RIN2: variants seen among roughly 807,000 people sequenced by gnomAD.
RIN2 encodes Ras and Rab interactor 2, also known as RAB5 interacting protein 2.
Under a neutral mutation model 78.0 loss-of-function variants are expected in RIN2, and 36 were observed. The observed-to-expected ratio is 0.46, with a 90% CI of 0.35 to 0.61. The LOEUF (loss-of-function observed/expected upper bound fraction) is 0.61, where lower values mean the gene tolerates loss of function less well. RIN2 is among the 20% of genes least tolerant of loss of function. RIN2 has a pLI of 0.00. For synonymous variants in RIN2, 466 were observed against 466.8 expected (o/e 1.00, Z 0.02); for missense variants, 1,087 against 1,159.7 (o/e 0.94, Z 0.91).
At chr20:19,991,676 AC>A (rs1320443374) in intron 10 of RIN2, among the ~76,000 whole-genome samples, 1 of 152,234 alleles carries the variant, frequency 6.6e-6, no homozygotes, top group African/African-American at 2.4e-5. Context: ...CTGAATTGGC[AC>A]GTTTAAAGAA....
chr20:19,939,592 C>T (rs1193446715), intron 4 of RIN2, among the ~76,000 whole-genome samples: 1 of 152,160 alleles, frequency 6.6e-6, no homozygotes, highest in Non-Finnish European at 1.5e-5. Context: ...TGTGACACCC[C>T]AGCACCCCTC....
intron 5 of RIN2, among the ~76,000 whole-genome samples, chr20:19,958,397 C>A (rs1340248962): frequency 6.6e-6 from 1 of 152,262 alleles, no homozygotes; most frequent in South Asian, 2.1e-4. Context: ...AACAGCCTGC[C>A]CAGCTCCCCC....
intron 1 of RIN2, among the ~76,000 whole-genome samples, chr20:19,769,502 C>T (rs930329194): frequency 7.2e-5 from 11 of 152,296 alleles, no homozygotes; most frequent in South Asian, 2.1e-4. Context: ...TCATCATCAT[C>T]GACCCTCCAT....
At chr20:19,863,122 G>A (rs1342263865) in intron 2 of RIN2, among the ~76,000 whole-genome samples, 1 of 152,136 alleles carries the variant, frequency 6.6e-6, no homozygotes, top group East Asian at 1.9e-4. Flanking sequence ...AAATCAAGAG[G>A]AACAGCATGT....
chr20:19,796,137 C>T (rs1034015462), intron 1 of RIN2, among the ~76,000 whole-genome samples: 7 of 152,100 alleles, frequency 4.6e-5, no homozygotes, highest in African/African-American at 1.7e-4. Context: ...GTAACACACA[C>T]AGGCACGTAC....
chr20:19,853,274 G>A (rs562019642), intron 2 of RIN2, among the ~76,000 whole-genome samples: 8 of 151,986 alleles, frequency 5.3e-5, no homozygotes, highest in East Asian at 1.9e-4. Flanking sequence ...TCTTAATCCA[G>A]TCTATCATTG....
At position 19,776,244 on chromosome 20, in the gene RIN2, A is replaced by G. The variant is rs558718610; in HGVS notation, c.-163+17917A>G. On this transcript the variant is annotated intron_variant, in intron 1 of 12. Coordinates refer to ENST00000255006, the MANE Select transcript of RIN2 (RefSeq NM_018993.4). The stretch of plus-strand genomic sequence containing the variant: ...GGGAATTCAGGCACAGCTGACCAAC[A>G]TTAACATCAACACAGAAACCTTAAG... 2.0e-5 allele frequency among the ~76,000 whole-genome samples: 3 copies of G among 152,316 alleles called. No individual in the cohort carries two copies. The East Asian group carries it at 5.8e-4, about 29-fold the overall frequency.
intron 3 of RIN2, among the ~76,000 whole-genome samples, chr20:19,918,104 T>C (rs1284604516): frequency 1.3e-5 from 2 of 151,994 alleles, no homozygotes; most frequent in Non-Finnish European, 2.9e-5. Context: ...AAAAGGGAAG[T>C]GAATGTGACT....
At chr20:19,768,697 C>G (rs2122381314) in intron 1 of RIN2, among the ~76,000 whole-genome samples, 1 of 152,226 alleles carries the variant, frequency 6.6e-6, no homozygotes, top group East Asian at 1.9e-4. Context: ...GTATGAGGAG[C>G]AGGAGTTTCT....
intron 1 of RIN2, among the ~76,000 whole-genome samples, chr20:19,777,390 A>G (rs1369650801): frequency 6.6e-6 from 1 of 152,256 alleles, no homozygotes; most frequent in Non-Finnish European, 1.5e-5. Flanking sequence ...TCTCTTACAA[A>G]GAAACATGCT....
At chr20:19,844,610 T>A (rs867152191) in intron 2 of RIN2, among the ~76,000 whole-genome samples, 1 of 48,414 alleles carries the variant, frequency 2.1e-5, no homozygotes, top group Non-Finnish European at 4.3e-5. Flanking sequence ...CCTCTTCTTC[T>A]TCTTCTTCTT....
At chr20:19,911,332 C>T (rs919651789) in intron 3 of RIN2, among the ~76,000 whole-genome samples, 7 of 152,142 alleles carry the variant, frequency 4.6e-5, no homozygotes, top group African/African-American at 7.2e-5. Context: ...GGATTACAGG[C>T]GTTGAGCCAC....
intron 4 of RIN2, among the ~76,000 whole-genome samples, chr20:19,953,466 G>A (rs1219745643): frequency 6.6e-6 from 1 of 151,718 alleles, no homozygotes; most frequent in African/African-American, 2.4e-5. Context: ...TTGAGACAGG[G>A]TCTTGCTCTG....
At chr20:19,808,371 T>C (rs983261046) in intron 2 of RIN2, among the ~76,000 whole-genome samples, 16 of 152,150 alleles carry the variant, frequency 1.1e-4, no homozygotes, top group Non-Finnish European at 1.9e-4. Flanking sequence ...AAGCTGAGAA[T>C]AGGATCTTGT....
chr20:19,899,495 C>A (rs936052889), intron 3 of RIN2, among the ~76,000 whole-genome samples: 2 of 152,158 alleles, frequency 1.3e-5, no homozygotes, highest in Non-Finnish European at 2.9e-5. Context: ...GACTTCAAAC[C>A]GCAAACATTC....
intron 5 of RIN2, among the ~76,000 whole-genome samples, chr20:19,958,406 C>G (rs1043021159): frequency 6.6e-6 from 1 of 152,276 alleles, no homozygotes; most frequent in Non-Finnish European, 1.5e-5. Context: ...CCCAGCTCCC[C>G]CTCCCAAGGT....
chr20:19,818,727 G>A (rs1423582686), intron 2 of RIN2, among the ~76,000 whole-genome samples: 76 of 118,072 alleles, frequency 6.4e-4, no homozygotes, highest in South Asian at 4.3e-3. Flanking sequence ...GCGAGACTCC[G>A]TATCAAAAAA....
intron 2 of RIN2, among the ~76,000 whole-genome samples, chr20:19,823,289 G>A (rs984286434): frequency 2.0e-5 from 3 of 152,146 alleles, no homozygotes; most frequent in Non-Finnish European, 4.4e-5. Flanking sequence ...TTCATGCCCT[G>A]GAATCTGGGG....
intron 2 of RIN2, among the ~76,000 whole-genome samples, chr20:19,808,692 A>G (rs1356625741): frequency 6.6e-6 from 1 of 152,206 alleles, no homozygotes; most frequent in African/African-American, 2.4e-5. Context: ...GTGGAAACAG[A>G]GCAGCAGAGC....
Sources: gnomAD v4.1 joint callset for allele counts (sites outside exome capture counted in the v4.1 genomes callset) on GRCh38, gnomAD v4.1.1 for gene constraint, MANE v1.5 for transcripts, NCBI Gene and HGNC (gene_info 2026-07-23, HGNC 2026-07-21) for gene names.